The following UNC13A variants were observed in gnomAD, a reference collection of about 807,000 sequenced individuals.
The protein encoded by UNC13A is protein unc-13 homolog A.
In UNC13A, 61 loss-of-function variants were observed where a neutral mutation model predicts 219.7. The observed-to-expected ratio is 0.28, with a 90% confidence interval of 0.23 to 0.34. The LOEUF (loss-of-function observed/expected upper bound fraction) is 0.34. UNC13A is among the 10% of genes least tolerant of loss of function. The pLI is 1.00. For synonymous variants in UNC13A, 920 were observed against 884.6 expected, an observed-to-expected ratio of 1.04 and a Z score of -0.71; for missense variants, 1,476 against 2,270.3, an observed-to-expected ratio of 0.65 and a Z score of 7.11.
chr19:17,673,085 CG>C, intron 3 of UNC13A, among the ~76,000 whole-genome samples: 1 of 152,260 alleles, frequency 6.6e-6, no homozygotes, highest in South Asian at 2.1e-4. Context: ...TGGCCAACCA[CG>C]GTGGCTCACG....
rs913916499 is a variant in UNC13A, at chr19:17,604,960, G to A, written c.*1094C>T. 2.6e-5 allele frequency: 4 copies of A among 152,650 alleles called. No individual in the cohort carries two copies. The highest frequency in any genetic ancestry group is 9.6e-5 in the African/African-American group (4 of 41,466). 9.5% of individuals were successfully genotyped at this position (152,650 alleles called of 1,614,324 possible). ...TATTTGGAAAATTCTGGAAAAGGAAGAAGGGATGGAGAAACCTGGGACCAG... is the reference window on the plus strand; with the variant it reads ...TATTTGGAAAATTCTGGAAAAGGAAAAAGGGATGGAGAAACCTGGGACCAG... On this transcript the variant is annotated 3_prime_UTR_variant, in exon 44 of 44. Transcript: ENST00000519716.
chr19:17,686,236 C>G (rs1017510579), intron 1 of UNC13A, among the ~76,000 whole-genome samples: 1 of 150,474 alleles, frequency 6.6e-6, no homozygotes. Context: ...CTGCTGCCCC[C>G]CCTTAATGCC....
At position 17,653,821 on chromosome 19, in the gene UNC13A, CTTTTTTTTTTT is replaced by C. The variant is rs57243215; in HGVS notation, c.1393-1155_1393-1145del. On this transcript the variant is annotated intron_variant, in intron 11 of 43. Coordinates refer to ENST00000519716, the MANE Select transcript of UNC13A (RefSeq NM_001080421.3). ...AATAAATATTTTGGATATCACTTCT[CTTTTTTTTTTT>C]TTTTTTTTTTTTGAAATGGAGTCTC... Among the ~76,000 whole-genome samples the C allele has an allele frequency of 4.6e-3, 362 of 78,298 alleles. 3 individuals carry two copies. Among genetic ancestry groups the C allele is most frequent in the African/African-American group, 0.019 (354 of 18,508 alleles). The allele number at this position is 78,298 out of a possible 152,430, so 51.4% of individuals were successfully genotyped here. A position where few individuals can be genotyped will look rare whatever the true frequency, so the allele number is the denominator to read the frequency against.
intron 1 of UNC13A, among the ~76,000 whole-genome samples, chr19:17,679,456 T>C (rs1338661715): frequency 6.8e-6 from 1 of 147,072 alleles, no homozygotes; most frequent in East Asian, 2.0e-4. Context: ...AGATTTCCAC[T>C]AGGGAGGGCA....
chr19:17,674,136 AAGG>A lies in UNC13A; in HGVS notation c.152+518_152+520del, dbSNP rs1352701452. On this transcript the variant is annotated intron_variant, in intron 3 of 43. Transcript: ENST00000519716. This position sits in a 1 kb window ranked among gnomAD's most constrained non-coding sequence, Gnocchi z 5.0. ...AGGAGGTGACACAAGCTGAGACCTG[AAGG>A]AGAAGAGCCAGCTGGGGACAGGAGA... Among the ~76,000 whole-genome samples the A allele has an allele frequency of 2.0e-5, 3 of 152,196 alleles. No individual in the cohort carries two copies. The highest frequency in any genetic ancestry group is 6.5e-5 in the Admixed American group (1 of 15,274).
Position 17,649,114 on chromosome 19 carries a change from C to A in UNC13A, c.1525-131G>T. Reference sequence around the variant, plus strand: ...CAACCGCAAGTTGGAAACAGGTCACCGACAGCATCCGGGCCAGACCCAACA... The same window carrying A: ...CAACCGCAAGTTGGAAACAGGTCACAGACAGCATCCGGGCCAGACCCAACA... On this transcript the variant is annotated intron_variant, in intron 14 of 43. Coordinates refer to ENST00000519716, the MANE Select transcript of UNC13A (RefSeq NM_001080421.3). The surrounding 1 kb of genome is among the most constrained non-coding windows in gnomAD (Gnocchi z 4.4). The A allele has an allele frequency of 8.4e-7, 1 of 1,191,592 alleles. No homozygotes were observed. The highest frequency in any genetic ancestry group is 1.2e-6 in the Non-Finnish European group (1 of 844,996). 73.8% of individuals were successfully genotyped at this position (1,191,592 alleles called of 1,614,324 possible).
rs138826819 is a variant in UNC13A, at chr19:17,674,342, G to A, written c.152+315C>T. Among the ~76,000 whole-genome samples, 6 of 152,294 alleles carry A rather than the reference G, an allele frequency of 3.9e-5. No homozygotes were observed. Among genetic ancestry groups the A allele is most frequent in the Admixed American group, 6.5e-5 (1 of 15,284 alleles). On this transcript the variant is annotated intron_variant, in intron 3 of 43. Coordinates refer to ENST00000519716, the MANE Select transcript of UNC13A (RefSeq NM_001080421.3). The surrounding 1 kb of genome is among the most constrained non-coding windows in gnomAD (Gnocchi z 5.0). ...ACGGACAAGTTTGGAACATGGGAGC[G>A]ACAGGATGTGATTTGCAGTTTTAAA...
At chr19:17,659,673 G>A (rs909086720) in intron 8 of UNC13A, among the ~76,000 whole-genome samples, 1 of 152,108 alleles carries the variant, frequency 6.6e-6, no homozygotes, top group African/African-American at 2.4e-5. Flanking sequence ...GGAGGGTATG[G>A]CAGGAGCATT....
At position 17,674,582 on chromosome 19, in the gene UNC13A, A is replaced by G. The variant is rs1225702343; in HGVS notation, c.152+75T>C. 7.3e-7 allele frequency: 1 copy of G among 1,367,446 alleles called. No homozygotes were observed. The highest frequency in any genetic ancestry group is 1.4e-5 in the African/African-American group (1 of 70,228). 84.7% of individuals were successfully genotyped at this position (1,367,446 alleles called of 1,614,324 possible). A position where few individuals can be genotyped will look rare whatever the true frequency, so the allele number is the denominator to read the frequency against. ...AGTCACCCGGGATTCCCCAGTGTCC[A>G]GCTCTGCCCTGAGGGGCCAGCGAGG... On this transcript the variant is annotated intron_variant, in intron 3 of 43. Coordinates refer to ENST00000519716, the MANE Select transcript of UNC13A (RefSeq NM_001080421.3). The surrounding 1 kb of genome is among the most constrained non-coding windows in gnomAD (Gnocchi z 5.0).
At position 17,669,461 on chromosome 19, in the gene UNC13A, A is replaced by T. The variant is rs555500032; in HGVS notation, c.394+92T>A. The T allele has an allele frequency of 1.6e-5, 24 of 1,495,810 alleles. 1 individual carries two copies. The Admixed American group carries it at 4.3e-4, about 27-fold the overall frequency. 92.7% of individuals were successfully genotyped at this position (1,495,810 alleles called of 1,614,324 possible). A position where few individuals can be genotyped will look rare whatever the true frequency, so the allele number is the denominator to read the frequency against. ...ATTCTCAGCCTGAAGGGTCAGCTAGACCTACCCAGGCCTGTTCACTCTCCT... is the reference window on the plus strand; with the variant it reads ...ATTCTCAGCCTGAAGGGTCAGCTAGTCCTACCCAGGCCTGTTCACTCTCCT... On this transcript the variant is annotated intron_variant, in intron 5 of 43. Coordinates refer to ENST00000519716, the MANE Select transcript of UNC13A (RefSeq NM_001080421.3).
intron 35 of UNC13A, among the ~76,000 whole-genome samples, chr19:17,624,308 G>A (rs963054968): frequency 6.6e-6 from 1 of 151,674 alleles, no homozygotes; most frequent in Non-Finnish European, 1.5e-5. Flanking sequence ...TAGTAGAGAC[G>A]AGATTTCACC....
At chr19:17,624,598 C>T (rs2076762942) in intron 35 of UNC13A, among the ~76,000 whole-genome samples, 1 of 152,118 alleles carries the variant, frequency 6.6e-6, no homozygotes, top group Admixed American at 6.5e-5. Flanking sequence ...CTCTGAATGA[C>T]CTCTTTAACT....
chr19:17,675,938 C>A (rs1312021516), intron 2 of UNC13A, 74 bp downstream of exon 2: 24 of 1,526,270 alleles, frequency 1.6e-5, no homozygotes, highest in Non-Finnish European at 2.1e-5. Context: ...GGGCTGGGAC[C>A]CCCTCCCAGT....
intron 29 of UNC13A, 143 bp from the exon 30 acceptor site, chr19:17,630,431 C>T (rs961227171): frequency 1.4e-6 from 2 of 1,400,648 alleles, no homozygotes. Flanking sequence ...GACTTAGAGT[C>T]AACTCTAGAG....
Position 17,624,861 on chromosome 19 carries a change from T to C in UNC13A, c.4165A>G (p.Thr1389Ala). ...WKLVMNTMEKTIVLPPLTDQT... is the reference protein window; with the variant it reads ...WKLVMNTMEKAIVLPPLTDQT... The stretch of plus-strand genomic sequence containing the variant: ...TCAGTGAGGGGCGGCAGGACGATGG[T>C]TTTCTCCATGGTGTTCATAACCAGC... Residue 1389 changes from threonine (T) to alanine (A), a missense_variant, in exon 35 of 44, where the codon ACC (threonine) becomes GCC (alanine). Coordinates refer to ENST00000519716, the MANE Select transcript of UNC13A (RefSeq NM_001080421.3). 1 of 1,613,584 alleles carries C rather than the reference T, an allele frequency of 6.2e-7. No homozygotes were observed. Among genetic ancestry groups the C allele is most frequent in the Non-Finnish European group, 8.5e-7 (1 of 1,179,642 alleles).
intron 1 of UNC13A, among the ~76,000 whole-genome samples, chr19:17,685,036 C>G (rs544068236): frequency 2.6e-5 from 4 of 152,140 alleles, no homozygotes; most frequent in African/African-American, 4.8e-5. Flanking sequence ...CATCATCATC[C>G]ACTTGTTGAA....
At chr19:17,664,180 T>C (rs1030223083) in intron 7 of UNC13A, among the ~76,000 whole-genome samples, 10 of 152,130 alleles carry the variant, frequency 6.6e-5, no homozygotes, top group African/African-American at 2.2e-4. Context: ...CTGACTATGA[T>C]GTCTAGGGTT....
chr19:17,639,612 C>G, intron 23 of UNC13A, 87 bp from the exon 24 acceptor site: 6 of 1,440,210 alleles, frequency 4.2e-6, no homozygotes, highest in Non-Finnish European at 5.7e-6. Flanking sequence ...CAAAGGCTCC[C>G]CGGTTTCAGG....
intron 1 of UNC13A, among the ~76,000 whole-genome samples, chr19:17,681,944 A>T (rs991414052): frequency 8.0e-6 from 1 of 124,644 alleles, no homozygotes. Flanking sequence ...TAAAAACATC[A>T]TCATTGATTT....
Sources: allele counts gnomAD v4.1 joint callset (sites outside exome capture counted in the v4.1 genomes callset), GRCh38; gene constraint gnomAD v4.1.1; non-coding constraint Gnocchi (gnomAD v3.1); transcripts MANE v1.5; gene names NCBI Gene and HGNC (gene_info 2026-07-23, HGNC 2026-07-21).